The following EIF4G3 variants were observed in gnomAD, a reference collection of about 807,000 sequenced individuals.
EIF4G3 encodes eIF-4-gamma 3.
In EIF4G3, 34 loss-of-function variants were observed where a neutral mutation model predicts 186.4. That is an observed-to-expected ratio of 0.18 (90% CI 0.14 to 0.24). EIF4G3 has a LOEUF of 0.24. Among genes scored for constraint, EIF4G3 ranks in the 10% least tolerant of loss-of-function variants. EIF4G3 has a pLI of 1.00. For synonymous variants in EIF4G3, 673 were observed against 679.5 expected, an observed-to-expected ratio of 0.99 and a Z score of 0.15; for missense variants, 1,536 against 1,948.5, an observed-to-expected ratio of 0.79 and a Z score of 3.99.
chr1:21,089,070 C>A, intron 3 of EIF4G3, 68 bp downstream of exon 3: 3 of 688,638 alleles, frequency 4.4e-6, no homozygotes, highest in South Asian at 1.6e-5. Context: ...ACAAACACTG[C>A]CTATAATTAA....
intron 33 of EIF4G3, among the ~76,000 whole-genome samples, chr1:20,820,548 G>A (rs1296923437): frequency 6.6e-6 from 1 of 152,176 alleles, no homozygotes. Context: ...CCCACCCTCA[G>A]GCCAGGGAGG....
At chr1:20,940,328 C>G (rs2095668503) in intron 14 of EIF4G3, among the ~76,000 whole-genome samples, 1 of 152,122 alleles carries the variant, frequency 6.6e-6, no homozygotes. Flanking sequence ...TCTCACTGTT[C>G]CAATTGCCTT....
chr1:20,996,530 T>A (rs2082315667), intron 7 of EIF4G3, among the ~76,000 whole-genome samples: 1 of 152,066 alleles, frequency 6.6e-6, no homozygotes, highest in South Asian at 2.1e-4. Context: ...AAAAACAGAG[T>A]CAGGTATTAA....
intron 14 of EIF4G3, among the ~76,000 whole-genome samples, chr1:20,923,561 AC>A (rs2094637986): frequency 6.6e-6 from 1 of 152,040 alleles, no homozygotes; most frequent in South Asian, 2.1e-4. Context: ...TAATACAGTT[AC>A]CCTTACACCT....
At chr1:21,021,526 T>C (rs1360412493) in intron 4 of EIF4G3, among the ~76,000 whole-genome samples, 2 of 152,094 alleles carry the variant, frequency 1.3e-5, no homozygotes, top group Non-Finnish European at 2.9e-5. Flanking sequence ...ACAGTAACCA[T>C]ACTCTGACAT....
Position 21,176,227 on chromosome 1 carries a change from C to A in EIF4G3, c.-324G>T, listed in dbSNP as rs1215415339. The stretch of plus-strand genomic sequence containing the variant: ...CTGATGTTCGGGTGAGGAGGGGGGA[C>A]CGCTGCCGCCGCCGCCGCCGCCGCC... On this transcript the variant is annotated 5_prime_UTR_variant, in exon 2 of 37. Coordinates refer to ENST00000602326, the MANE Select transcript of EIF4G3 (RefSeq NM_001391906.1). The A allele has an allele frequency of 5.0e-6, 2 of 399,918 alleles. No homozygotes were observed. The highest frequency in any genetic ancestry group is 4.3e-6 in the Non-Finnish European group (1 of 232,830). 24.8% of individuals were successfully genotyped at this position (399,918 alleles called of 1,614,324 possible). A position where few individuals can be genotyped will look rare whatever the true frequency, so the allele number is the denominator to read the frequency against.
At chr1:21,096,166 G>A (rs1411882971) in intron 2 of EIF4G3, among the ~76,000 whole-genome samples, 1 of 152,166 alleles carries the variant, frequency 6.6e-6, no homozygotes, top group Non-Finnish European at 1.5e-5. Context: ...GAAGATGACT[G>A]CATAAAGAAG....
rs749544993 is a variant in EIF4G3 at position 20,941,734 on chromosome 1, G to T, written c.1420C>A (p.Pro474Thr). Residue 474 changes from proline (P) to threonine (T), a missense_variant, in exon 14 of 37, where the codon CCT becomes ACT. Around this residue, in one of 11 missense-constraint regions of EIF4G3, gnomAD observed 560 missense variants for 547.8 expected, o/e 1.02. Coordinates refer to ENST00000602326, the MANE Select transcript of EIF4G3 (RefSeq NM_001391906.1). ...PSTVPSFPPT[P>T]PTPPASPPHT... Reference sequence around the variant, plus strand: ...GGAGGAGAAGCTGGAGGAGTTGGAGGAGTTGGAGGAAAGGAAGGAACTGTG... The same window carrying T: ...GGAGGAGAAGCTGGAGGAGTTGGAGTAGTTGGAGGAAAGGAAGGAACTGTG... 1.2e-6 allele frequency: 2 copies of T among 1,610,880 alleles called. No homozygotes were observed. The highest frequency in any genetic ancestry group is 2.2e-5 in the South Asian group (2 of 90,584).
chr1:20,939,730 T>C (rs1290795162), intron 14 of EIF4G3, among the ~76,000 whole-genome samples: 1 of 152,152 alleles, frequency 6.6e-6, no homozygotes, highest in African/African-American at 2.4e-5. Context: ...TTTGTAACTA[T>C]CGTATCACTA....
At chr1:21,061,133 G>GAAGGGAA (rs2094890957) in intron 3 of EIF4G3, among the ~76,000 whole-genome samples, 1 of 152,106 alleles carries the variant, frequency 6.6e-6, no homozygotes, top group African/African-American at 2.4e-5. Flanking sequence ...TGGCTTGAAA[G>GAAGGGAA]ATTAGGTGGG....
intron 2 of EIF4G3, among the ~76,000 whole-genome samples, chr1:21,160,574 T>A (rs1354317512): frequency 6.6e-6 from 1 of 152,190 alleles, no homozygotes; most frequent in Non-Finnish European, 1.5e-5. Flanking sequence ...GTAATCATCA[T>A]CATACTGACA....
At chr1:21,064,886 AACAG>A (rs1489701562) in intron 3 of EIF4G3, 1 of 152,194 alleles carries the variant, frequency 6.6e-6, no homozygotes, top group African/African-American at 2.4e-5. Context: ...GATGGCTTTT[AACAG>A]ACACTCACAT....
At chr1:20,914,388 G>A (rs2093632359) in intron 14 of EIF4G3, among the ~76,000 whole-genome samples, 1 of 152,088 alleles carries the variant, frequency 6.6e-6, no homozygotes, top group African/African-American at 2.4e-5. Context: ...GAGAAACACA[G>A]AGAGATTTGA....
intron 7 of EIF4G3, among the ~76,000 whole-genome samples, chr1:20,988,150 A>G (rs965578470): frequency 6.6e-6 from 1 of 152,244 alleles, no homozygotes; most frequent in South Asian, 2.1e-4. Context: ...TGAAGCTAGC[A>G]AAGTTTAGCT....
At chr1:20,980,292 A>G in intron 10 of EIF4G3, 42 bp downstream of exon 10, 1 of 1,413,518 alleles carries the variant, frequency 7.1e-7, no homozygotes, top group Non-Finnish European at 9.5e-7. Context: ...AATTAAATAA[A>G]CACAAAAAAC....
At chr1:20,936,443 G>A (rs905003997) in intron 14 of EIF4G3, among the ~76,000 whole-genome samples, 5 of 152,124 alleles carry the variant, frequency 3.3e-5, no homozygotes, top group Admixed American at 1.3e-4. Context: ...TCCAGAACAC[G>A]TTTCTGTAGA....
At chr1:20,901,193 A>C (rs1211188039) in intron 15 of EIF4G3, among the ~76,000 whole-genome samples, 1 of 152,194 alleles carries the variant, frequency 6.6e-6, no homozygotes, top group African/African-American at 2.4e-5. Flanking sequence ...CAAAAAAATA[A>C]GTTTGGAAAC....
At chr1:20,973,575 A>C in intron 10 of EIF4G3, among the ~76,000 whole-genome samples, 1 of 152,200 alleles carries the variant, frequency 6.6e-6, no homozygotes, top group East Asian at 1.9e-4. Flanking sequence ...CTACTGCCAT[A>C]GGGAGGTACA....
chr1:20,913,464 A>G (rs1033408303), intron 14 of EIF4G3, among the ~76,000 whole-genome samples: 6 of 152,048 alleles, frequency 3.9e-5, no homozygotes, highest in East Asian at 3.9e-4. Context: ...CTTGAGCCCA[A>G]GGGTTGATGG....
Sources: gnomAD v4.1 joint callset for allele counts (sites outside exome capture counted in the v4.1 genomes callset) on GRCh38, gnomAD v4.1.1 for gene constraint, gnomAD v4.1.1 regional missense constraint, MANE v1.5 for transcripts, NCBI Gene and HGNC (gene_info 2026-07-23, HGNC 2026-07-21) for gene names.